The following SHANK2 variants were observed in gnomAD, a reference collection of about 807,000 sequenced individuals.
SHANK2 encodes the protein SH3 and multiple ankyrin repeat domains 2, also known as SH3 and multiple ankyrin repeat domains protein 2.
In SHANK2, 43 loss-of-function variants were observed where a neutral mutation model predicts 133.7. That is an observed-to-expected ratio of 0.32 (90% CI 0.25 to 0.41). SHANK2 has a LOEUF of 0.41. SHANK2 is among the 10% of genes least tolerant of loss of function. SHANK2 has a pLI of 1.00. For synonymous variants in SHANK2, 1,017 were observed against 952.8 expected, an observed-to-expected ratio of 1.07 and a Z score of -1.24; for missense variants, 1,994 against 2,235.8, an observed-to-expected ratio of 0.89 and a Z score of 2.18.
intron 17 of SHANK2, among the ~76,000 whole-genome samples, chr11:70,503,660 C>T (rs1555159387): frequency 1.3e-5 from 2 of 152,232 alleles, no homozygotes; most frequent in Admixed American, 6.5e-5. Flanking sequence ...GAGCCGGTTA[C>T]CTCCTGCCCT....
At chr11:70,647,080 G>C (rs988452633) in intron 17 of SHANK2, among the ~76,000 whole-genome samples, 24 of 152,102 alleles carry the variant, frequency 1.6e-4, no homozygotes, top group Non-Finnish European at 1.8e-4. Context: ...TGGCCAGGCT[G>C]GTCTTGAACT....
intron 14 of SHANK2, among the ~76,000 whole-genome samples, chr11:70,767,399 T>C (rs1241638664): frequency 6.6e-6 from 1 of 152,208 alleles, no homozygotes; most frequent in Non-Finnish European, 1.5e-5. Context: ...TATCCTTACA[T>C]ATGGACGTTC....
chr11:70,803,738 G>A (rs1162014056), intron 13 of SHANK2, among the ~76,000 whole-genome samples: 9 of 151,200 alleles, frequency 6.0e-5, no homozygotes, highest in Non-Finnish European at 1.2e-4. Context: ...GCTGGATCTC[G>A]CATAAAGAAC....
chr11:70,830,573 C>T lies in SHANK2; in HGVS notation c.1175-9891G>A, dbSNP rs1274852020. ...CCTCCCGCAGAACTCCGGGAATTCG[C>T]TAGCGCCCTTCCCATCTCTAAAACA... On this transcript the variant is annotated intron_variant, in intron 11 of 25. Coordinates refer to ENST00000601538, the MANE Select transcript of SHANK2 (RefSeq NM_012309.5). The surrounding 1 kb of genome is among the most constrained non-coding windows in gnomAD (Gnocchi z 4.4). 6.6e-6 allele frequency among the ~76,000 whole-genome samples: 1 copy of T among 152,232 alleles called. No homozygotes were observed. The highest frequency in any genetic ancestry group is 2.4e-5 in the African/African-American group (1 of 41,460).
At chr11:70,504,036 GTC>G (rs1380559972) in intron 17 of SHANK2, among the ~76,000 whole-genome samples, 2 of 152,244 alleles carry the variant, frequency 1.3e-5, no homozygotes, top group Admixed American at 6.5e-5. Context: ...AGAGGCAGCT[GTC>G]TCTAGGTGGC....
rs77560013 is a variant in SHANK2 at position 70,845,802 on chromosome 11, T to C, written c.1175-25120A>G. On this transcript the variant is annotated intron_variant, in intron 11 of 25. Transcript: ENST00000601538. ...GAACAAAGCGAGAAGGAGAGCCCAC[T>C]TCCAAGTTGTTTGCAGCAGAGGCTG... 7.4e-4 allele frequency among the ~76,000 whole-genome samples: 113 copies of C among 152,302 alleles called. 2 individuals carry two copies. In the East Asian group the frequency reaches 0.018, roughly 24 times the overall value.
At chr11:71,110,512 G>A (rs553436885) in intron 5 of SHANK2, among the ~76,000 whole-genome samples, 1 of 152,282 alleles carries the variant, frequency 6.6e-6, no homozygotes, top group African/African-American at 2.4e-5. Flanking sequence ...GGCTGAGGCA[G>A]GAGGATCGCC....
intron 8 of SHANK2, among the ~76,000 whole-genome samples, chr11:71,083,790 T>G (rs1012588056): frequency 6.6e-6 from 1 of 152,160 alleles, no homozygotes; most frequent in Non-Finnish European, 1.5e-5. Flanking sequence ...TCTTTAGCAA[T>G]TAAAAATACA....
intron 17 of SHANK2, among the ~76,000 whole-genome samples, chr11:70,594,938 C>T (rs1451328681): frequency 8.6e-5 from 13 of 151,982 alleles, no homozygotes; most frequent in African/African-American, 2.9e-4. Flanking sequence ...AGTAAAATTT[C>T]AAAAAAAGTG....
intron 17 of SHANK2, among the ~76,000 whole-genome samples, chr11:70,546,975 T>C (rs953288883): frequency 2.0e-5 from 3 of 152,150 alleles, no homozygotes; most frequent in African/African-American, 2.4e-5. Flanking sequence ...CTCCCGACCC[T>C]GGATACCTGA....
intron 11 of SHANK2, among the ~76,000 whole-genome samples, chr11:70,871,026 C>A (rs1949451873): frequency 6.6e-6 from 1 of 152,188 alleles, no homozygotes; most frequent in Admixed American, 6.5e-5. Flanking sequence ...GATCCATCCG[C>A]CTCAGCCTCC....
At chr11:71,058,689 C>T (rs1464432359) in intron 9 of SHANK2, among the ~76,000 whole-genome samples, 1 of 152,240 alleles carries the variant, frequency 6.6e-6, no homozygotes, top group East Asian at 1.9e-4. Context: ...GGAATTCCAT[C>T]CTTACCTACA....
At position 71,113,774 on chromosome 11, in the gene SHANK2, C is replaced by T. The variant is rs531815778; in HGVS notation, c.412-410G>A. On this transcript the variant is annotated intron_variant, in intron 4 of 25. Coordinates refer to ENST00000601538, the MANE Select transcript of SHANK2 (RefSeq NM_012309.5). ...ACACCAGGTTTTTCTCCTACATTGT[C>T]CACCTTTGTTAAAACACACCCTAAA... is the stretch of plus-strand genomic sequence containing the variant. Among the ~76,000 whole-genome samples, 8 of 152,308 alleles carry T rather than the reference C, an allele frequency of 5.3e-5. No homozygotes were observed. In the East Asian group the frequency reaches 1.5e-3, roughly 29 times the overall value.
At chr11:70,838,262 T>C (rs1286848631) in intron 11 of SHANK2, among the ~76,000 whole-genome samples, 2 of 152,162 alleles carry the variant, frequency 1.3e-5, no homozygotes, top group African/African-American at 4.8e-5. Flanking sequence ...CATGTTCTGG[T>C]TATCTTAGGT....
At chr11:70,509,817 T>C (rs1554969016) in intron 17 of SHANK2, among the ~76,000 whole-genome samples, 1 of 152,240 alleles carries the variant, frequency 6.6e-6, no homozygotes, top group Admixed American at 6.5e-5. Flanking sequence ...TTCTGTCCTG[T>C]GAAGAGAAGA....
intron 11 of SHANK2, among the ~76,000 whole-genome samples, chr11:70,884,878 G>T (rs1555073100): frequency 6.6e-6 from 1 of 152,010 alleles, no homozygotes; most frequent in Non-Finnish European, 1.5e-5. Context: ...GTGCCACCAT[G>T]CCTGGCTAAT....
At position 70,653,533 on chromosome 11, in the gene SHANK2, C is replaced by T. The variant is rs528118596; in HGVS notation, c.2061+6295G>A. ...TCTCGGCTCACTGCAACCTCCCGCTCCCGGGTTCAAGTGATTCTCCTGCCT... is the reference window on the plus strand; with the variant it reads ...TCTCGGCTCACTGCAACCTCCCGCTTCCGGGTTCAAGTGATTCTCCTGCCT... On this transcript the variant is annotated intron_variant, in intron 17 of 25. Coordinates refer to ENST00000601538, the MANE Select transcript of SHANK2 (RefSeq NM_012309.5). Among the ~76,000 whole-genome samples, 4 of 149,516 alleles carry T rather than the reference C, an allele frequency of 2.7e-5. No individual in the cohort carries two copies. In the South Asian group the frequency reaches 6.5e-4, roughly 24 times the overall value.
intron 15 of SHANK2, among the ~76,000 whole-genome samples, chr11:70,687,418 T>C (rs1555019878): frequency 6.6e-6 from 1 of 152,190 alleles, no homozygotes; most frequent in Non-Finnish European, 1.5e-5. Flanking sequence ...CGAAGCTGGC[T>C]CTTAGGAGCT....
chr11:70,815,502 C>T (rs560223605), intron 12 of SHANK2, among the ~76,000 whole-genome samples: 2 of 152,318 alleles, frequency 1.3e-5, no homozygotes, highest in Admixed American at 1.3e-4. Flanking sequence ...CACAGATCGG[C>T]CCCCTCACAC....
Sources: allele counts gnomAD v4.1 joint callset (sites outside exome capture counted in the v4.1 genomes callset), GRCh38; gene constraint gnomAD v4.1.1; non-coding constraint Gnocchi (gnomAD v3.1); transcripts MANE v1.5; gene names NCBI Gene and HGNC (gene_info 2026-07-23, HGNC 2026-07-21).